The following LHX9 variants were observed in gnomAD, a reference collection of about 807,000 sequenced individuals.
LHX9 encodes the protein LIM/homeobox protein Lhx9.
A neutral mutation model predicts 36.5 loss-of-function variants in LHX9; 9 were observed. That is an observed-to-expected ratio of 0.25 (90% CI 0.15 to 0.43). LHX9 has a LOEUF of 0.43. Among genes scored for constraint, LHX9 ranks in the 20% least tolerant of loss-of-function variants. The pLI is 1.00. For missense variants in LHX9, 464 were observed against 526.4 expected (o/e 0.88, Z 1.16); for synonymous variants, 211 against 212.1 (o/e 0.99, Z 0.04).
chr1:197,934,400 A>G lies in LHX9; in HGVS notation c.*5141A>G, dbSNP rs1429000875. The G allele has an allele frequency of 6.6e-6, 1 of 152,332 alleles. No individual in the cohort carries two copies. Among genetic ancestry groups the G allele is most frequent in the South Asian group, 2.1e-4 (1 of 4,828 alleles). The allele number at this position is 152,332 out of a possible 1,614,324, so 9.4% of individuals were successfully genotyped here. On this transcript the variant is annotated 3_prime_UTR_variant, in exon 5 of 5. Coordinates refer to ENST00000367387, the MANE Select transcript of LHX9 (RefSeq NM_020204.3). ...GTGTCATTCTAGGCTCTTAAAGAGA[A>G]TATTAGGGATAATACTGTTGTAAAA...
Position 197,930,076 on chromosome 1 carries a change from T to A in LHX9, c.*817T>A. The A allele has an allele frequency of 1.0e-6, 1 of 975,882 alleles. No homozygotes were observed. Among genetic ancestry groups the A allele is most frequent in the South Asian group, 4.7e-5 (1 of 21,078 alleles). 60.5% of individuals were successfully genotyped at this position (975,882 alleles called of 1,614,324 possible). On this transcript the variant is annotated 3_prime_UTR_variant, in exon 5 of 5. Coordinates refer to ENST00000367387, the MANE Select transcript of LHX9 (RefSeq NM_020204.3). ...TCGGAAACCATTCTTTCTAGTTACT[T>A]TTTTTCCCAGGGAAAATGGAAATAA...
rs1157845992 is a variant in LHX9 at position 197,929,198 on chromosome 1, C to G, written c.1133C>G (p.Ser378Cys). The change falls in exon 5 of 5, where the codon TCT (serine) becomes TGT (cysteine). Residue 378 changes from serine to cysteine, a missense_variant. Physicochemically the swap from Ser to Cys is moderately radical, Grantham distance 112. Coordinates refer to ENST00000367387, the MANE Select transcript of LHX9 (RefSeq NM_020204.3). ...PTITVVTSVT[S>C]NMDSHESGSP... ...ATCACTGTAGTGACATCCGTGACCT[C>G]TAACATGGACAGCCACGAATCCGGA... The G allele has an allele frequency of 6.4e-7, 1 of 1,572,878 alleles. No homozygotes were observed. The highest frequency in any genetic ancestry group is 8.6e-7 in the Non-Finnish European group (1 of 1,158,694).
At position 197,917,966 on chromosome 1, in the gene LHX9, C is replaced by T; in HGVS notation, c.143C>T (p.Ala48Val). ...ERRSKTEARL[A>V]KGAQLNGRDA... The stretch of plus-strand genomic sequence containing the variant: ...AGATCCAAGACTGAGGCCCGTCTGG[C>T]CAAAGGCGCCCAGCTCAACGGCCGC... Residue 48 changes from alanine to valine, a missense_variant, in exon 1 of 5, where the codon GCC (alanine) becomes GTC (valine). By Grantham distance (64) the Ala-to-Val change is moderately conservative (BLOSUM62 0). This residue lies in a region of LHX9 where 119 missense variants were observed against 102.4 expected (regional missense o/e 1.16). Transcript: ENST00000367387. 1 of 1,613,874 alleles carries T rather than the reference C, an allele frequency of 6.2e-7. No individual in the cohort carries two copies.
In LHX9 at chr1:197,922,000, T is replaced by G. The variant is rs1660006371; in HGVS notation, c.733+341T>G. ...TGGAGCAAAACAGCCCCAGGGCAATTTCTTTGTGGAGGCCAAATTATAGAT... is the reference window on the plus strand; with the variant it reads ...TGGAGCAAAACAGCCCCAGGGCAATGTCTTTGTGGAGGCCAAATTATAGAT... On this transcript the variant is annotated intron_variant, in intron 3 of 4. Coordinates refer to ENST00000367387, the MANE Select transcript of LHX9 (RefSeq NM_020204.3). The surrounding 1 kb of genome is among the most constrained non-coding windows in gnomAD (Gnocchi z 4.6). 6.6e-6 allele frequency among the ~76,000 whole-genome samples: 1 copy of G among 152,126 alleles called. No individual in the cohort carries two copies. Among genetic ancestry groups the G allele is most frequent in the Non-Finnish European group, 1.5e-5 (1 of 68,024 alleles).
At position 197,921,071 on chromosome 1, in the gene LHX9, G is replaced by A. The variant is rs1009755112; in HGVS notation, c.378-233G>A. ...ATGTTTTAAATTTTCACTTTGCAGA[G>A]AAGAAAACTAAGGCTTAGTTGCCCG... is the stretch of plus-strand genomic sequence containing the variant. On this transcript the variant is annotated intron_variant, in intron 2 of 4. Coordinates refer to ENST00000367387, the MANE Select transcript of LHX9 (RefSeq NM_020204.3). The surrounding 1 kb of genome is among the most constrained non-coding windows in gnomAD (Gnocchi z 4.6). Among the ~76,000 whole-genome samples the A allele has an allele frequency of 2.0e-5, 3 of 152,048 alleles. No homozygotes were observed. The highest frequency in any genetic ancestry group is 6.5e-5 in the Admixed American group (1 of 15,272).
chr1:197,924,062 T>C (rs1212884434), intron 3 of LHX9, among the ~76,000 whole-genome samples: 1 of 152,228 alleles, frequency 6.6e-6, no homozygotes, highest in African/African-American at 2.4e-5. Context: ...GGTTTGAAGA[T>C]GCCTGACCAG....
At position 197,931,997 on chromosome 1, in the gene LHX9, G is replaced by T; in HGVS notation, c.*2738G>T. On this transcript the variant is annotated 3_prime_UTR_variant, in exon 5 of 5. Coordinates refer to ENST00000367387, the MANE Select transcript of LHX9 (RefSeq NM_020204.3). ...CTAAAGTATTAAAAGAAGGGGAAAAGTTTGATCGGAAATCCACTGCAGTGA... is the reference window on the plus strand; with the variant it reads ...CTAAAGTATTAAAAGAAGGGGAAAATTTTGATCGGAAATCCACTGCAGTGA... 6.5e-7 allele frequency: 1 copy of T among 1,529,032 alleles called. No homozygotes were observed. Among genetic ancestry groups the T allele is most frequent in the Non-Finnish European group, 8.9e-7 (1 of 1,128,896 alleles). The allele number at this position is 1,529,032 out of a possible 1,614,324, so 94.7% of individuals were successfully genotyped here.
rs902844809 is a variant in LHX9, at chr1:197,917,749, C to A, written c.-75C>A. On this transcript the variant is annotated 5_prime_UTR_variant, in exon 1 of 5. Coordinates refer to ENST00000367387, the MANE Select transcript of LHX9 (RefSeq NM_020204.3). ...TTCCCTCCATCCTCGAGCGTCTCTG[C>A]GCTCCTACAGGGCAGCCCTCTCTGG... is the stretch of plus-strand genomic sequence containing the variant. 20 of 1,605,440 alleles carry A rather than the reference C, an allele frequency of 1.2e-5. No individual in the cohort carries two copies. The East Asian group carries it at 4.0e-4, about 32-fold the overall frequency.
At chr1:197,918,779 C>T (rs1395306576) in intron 1 of LHX9, 1 of 124,130 alleles carries the variant, frequency 8.1e-6, no homozygotes, top group East Asian at 2.3e-4. Context: ...TAAGCGCTTC[C>T]CTTTCCAGAT....
At chr1:197,926,543 T>G (rs987658848) in intron 3 of LHX9, among the ~76,000 whole-genome samples, 1 of 152,212 alleles carries the variant, frequency 6.6e-6, no homozygotes, top group Non-Finnish European at 1.5e-5. Flanking sequence ...CCTTTAAAAG[T>G]GTAGCTTTAC....
chr1:197,919,030 T>C (rs1249304365), intron 1 of LHX9, among the ~76,000 whole-genome samples: 1 of 152,194 alleles, frequency 6.6e-6, no homozygotes, highest in East Asian at 1.9e-4. Context: ...AAACTTTACT[T>C]TTTCAGGCCC....
In LHX9 at chr1:197,928,996, T is replaced by G; in HGVS notation, c.937-6T>G. ...GGTAAAGAAATCAATTGGGATTGGTTTGCAGGTTTGGTTCCAAAACGCACG... is the reference window on the plus strand; with the variant it reads ...GGTAAAGAAATCAATTGGGATTGGTGTGCAGGTTTGGTTCCAAAACGCACG... On this transcript the variant is annotated splice_region_variant and splice_polypyrimidine_tract_variant and intron_variant, in intron 4 of 4. Coordinates refer to ENST00000367387, the MANE Select transcript of LHX9 (RefSeq NM_020204.3). 6.3e-7 allele frequency: 1 copy of G among 1,591,190 alleles called. No individual in the cohort carries two copies. Among genetic ancestry groups the G allele is most frequent in the Non-Finnish European group, 8.6e-7 (1 of 1,167,178 alleles).
chr1:197,917,329 G>A (rs1290883742), upstream of LHX9: 1 of 1,263,112 alleles, frequency 7.9e-7, no homozygotes, highest in South Asian at 1.4e-5. Flanking sequence ...AAAATGGGCT[G>A]GCTTTAGTCT....
At chr1:197,919,269 T>A (rs1423325221) in intron 1 of LHX9, among the ~76,000 whole-genome samples, 1 of 152,190 alleles carries the variant, frequency 6.6e-6, no homozygotes, top group African/African-American at 2.4e-5. Flanking sequence ...AAACAGATTT[T>A]CAAGACAAAG....
chr1:197,912,620 T>C, upstream of LHX9: 6 of 1,495,498 alleles, frequency 4.0e-6, no homozygotes, highest in Non-Finnish European at 4.7e-6. Flanking sequence ...GCGTATACCA[T>C]GTGAGTGTGT....
In LHX9 at chr1:197,932,179, G is replaced by C. The variant is rs999549999; in HGVS notation, c.*2920G>C. On this transcript the variant is annotated 3_prime_UTR_variant, in exon 5 of 5. Coordinates refer to ENST00000367387, the MANE Select transcript of LHX9 (RefSeq NM_020204.3). Reference sequence around the variant, plus strand: ...CACAACTGAAGGCCTAAAATTATGTGGTTTAAACAAAATTAGATAAACCAT... The same window carrying C: ...CACAACTGAAGGCCTAAAATTATGTCGTTTAAACAAAATTAGATAAACCAT... 3 of 420,692 alleles carry C rather than the reference G, an allele frequency of 7.1e-6. No individual in the cohort carries two copies. The Admixed American group carries it at 1.2e-4, about 17-fold the overall frequency. 26.1% of individuals were successfully genotyped at this position (420,692 alleles called of 1,614,324 possible).
In LHX9 at chr1:197,917,900, C is replaced by T; in HGVS notation, c.77C>T (p.Ser26Phe). The change falls in exon 1 of 5, where the codon TCC becomes TTC. Residue 26 changes from serine (S) to phenylalanine (F), a missense_variant. Ser to Phe is a radical substitution (Grantham distance 155). Coordinates refer to ENST00000367387, the MANE Select transcript of LHX9 (RefSeq NM_020204.3). ...CCAGCCATGCTCTTTCACGGGATCT[C>T]CGGAGGCCACATCCAAGGCATCATG... ...RPPAMLFHGI[S>F]GGHIQGIMEE... is the part of the protein sequence containing the mutation. 1 of 1,614,222 alleles carries T rather than the reference C, an allele frequency of 6.2e-7. No individual in the cohort carries two copies. The highest frequency in any genetic ancestry group is 8.5e-7 in the Non-Finnish European group (1 of 1,180,048).
At chr1:197,916,643 C>CA, upstream of LHX9, 1 of 702,972 alleles carries the variant, frequency 1.4e-6, no homozygotes, top group East Asian at 2.7e-5. Context: ...CTAATTTTCT[C>CA]AAAGAAAATT....
At chr1:197,922,201 T>C (rs1490503881) in intron 3 of LHX9, among the ~76,000 whole-genome samples, 1 of 151,824 alleles carries the variant, frequency 6.6e-6, no homozygotes, top group Non-Finnish European at 1.5e-5. Context: ...GTTGTAGGGG[T>C]GGGAATCACT....
Sources: allele counts gnomAD v4.1 joint callset (sites outside exome capture counted in the v4.1 genomes callset), GRCh38; gene constraint gnomAD v4.1.1; regional missense constraint gnomAD v4.1.1; non-coding constraint Gnocchi (gnomAD v3.1); transcripts MANE v1.5; gene names NCBI Gene and HGNC (gene_info 2026-07-23, HGNC 2026-07-21).